Variants in TGFBRAP1 observed in about 807,000 individuals in gnomAD.
TGFBRAP1 encodes the protein transforming growth factor-beta receptor-associated protein 1.
In TGFBRAP1, 20 loss-of-function variants were observed where a neutral mutation model predicts 83.2. The observed-to-expected ratio is 0.24, with a 90% CI of 0.17 to 0.35. TGFBRAP1 has a LOEUF of 0.35. Among genes scored for constraint, TGFBRAP1 ranks in the 10% least tolerant of loss-of-function variants. The probability of loss-of-function intolerance (pLI) is 1.00; values close to 1 mark genes in which losing one functional copy is unlikely to be tolerated. For synonymous variants in TGFBRAP1, 415 were observed against 459.8 expected (o/e 0.90, Z 1.25); for missense variants, 950 against 1,099.4 (o/e 0.86, Z 1.92).
chr2:105,277,786 GC>G, intron 6 of TGFBRAP1, 115 bp from the exon 7 acceptor site: 1 of 1,025,860 alleles, frequency 9.7e-7, no homozygotes, highest in Non-Finnish European at 1.5e-6. Flanking sequence ...TCGAGTTCAG[GC>G]TCATGCCTGT....
At position 105,269,267 on chromosome 2, in the gene TGFBRAP1, C is replaced by G; in HGVS notation, c.2406+5G>C. The G allele has an allele frequency of 6.3e-7, 1 of 1,592,442 alleles. No homozygotes were observed. The highest frequency in any genetic ancestry group is 8.6e-7 in the Non-Finnish European group (1 of 1,163,982). On this transcript the variant is annotated splice_donor_5th_base_variant and intron_variant, in intron 11 of 11. Transcript: ENST00000393359. The surrounding 1 kb of genome is among the most constrained non-coding windows in gnomAD (Gnocchi z 4.1). ...AGGAAGCAGCTCGTGGGGGCCAGCA[C>G]TTACCTTATCGTAGGTGTAGATTAA...
intron 1 of TGFBRAP1, among the ~76,000 whole-genome samples, chr2:105,327,068 G>A (rs1679244024): frequency 6.6e-6 from 1 of 152,170 alleles, no homozygotes; most frequent in African/African-American, 2.4e-5. Context: ...ACACCTGGCT[G>A]CCACAAATGA....
chr2:105,269,872 T>G lies in TGFBRAP1; in HGVS notation c.1973-167A>C, dbSNP rs1386868730. Among the ~76,000 whole-genome samples, 1 of 152,196 alleles carries G rather than the reference T, an allele frequency of 6.6e-6. No homozygotes were observed. The highest frequency in any genetic ancestry group is 1.5e-5 in the Non-Finnish European group (1 of 68,032). ...ACTGAGGGTAGGTTTTCTTGCATTT[T>G]CACACTGTGAATCCAGGTGTTAGTA... On this transcript the variant is annotated intron_variant, in intron 10 of 11. Coordinates refer to ENST00000393359, the MANE Select transcript of TGFBRAP1 (RefSeq NM_004257.6). This position sits in a 1 kb window ranked among gnomAD's most constrained non-coding sequence, Gnocchi z 4.1.
At chr2:105,306,281 C>T (rs1678496774) in intron 2 of TGFBRAP1, among the ~76,000 whole-genome samples, 1 of 151,678 alleles carries the variant, frequency 6.6e-6, no homozygotes, top group Non-Finnish European at 1.5e-5. Context: ...AGGATGGTCT[C>T]GAACTCCCCA....
chr2:105,275,145 G>C (rs1677293160), intron 8 of TGFBRAP1, among the ~76,000 whole-genome samples: 1 of 152,214 alleles, frequency 6.6e-6, no homozygotes, highest in African/African-American at 2.4e-5. Context: ...GTGTGGCCCA[G>C]GTCTGGGTGC....
At chr2:105,325,799 TTC>T (rs1211509001) in intron 1 of TGFBRAP1, among the ~76,000 whole-genome samples, 7 of 152,228 alleles carry the variant, frequency 4.6e-5, no homozygotes, top group Non-Finnish European at 7.3e-5. Flanking sequence ...TGGTCCCGTG[TTC>T]TTCTCTAAGT....
intron 1 of TGFBRAP1, among the ~76,000 whole-genome samples, chr2:105,329,240 A>C (rs1421554705): frequency 6.6e-6 from 1 of 151,866 alleles, no homozygotes; most frequent in African/African-American, 2.4e-5. Flanking sequence ...GGAAAACCCA[A>C]ATCAAGGACG....
the TGFBRAP1 span, among the ~76,000 whole-genome samples, chr2:105,254,692 G>A: frequency 6.6e-6 from 1 of 151,938 alleles, no homozygotes; most frequent in Non-Finnish European, 1.5e-5. Flanking sequence ...CCTGTTTCTG[G>A]CCCCTTCCTA....
chr2:105,279,319 G>A (rs1458053610), intron 6 of TGFBRAP1, among the ~76,000 whole-genome samples: 1 of 152,084 alleles, frequency 6.6e-6, no homozygotes, highest in African/African-American at 2.4e-5. Flanking sequence ...ATGCAATGGT[G>A]CAATCACTGC....
rs565258316 is a variant in TGFBRAP1 at position 105,280,264 on chromosome 2, T to G, written c.1463+118A>C. 81 of 1,077,502 alleles carry G rather than the reference T, an allele frequency of 7.5e-5. No homozygotes were observed. In the African/African-American group the frequency reaches 1.1e-3, roughly 15 times the overall value. The allele number at this position is 1,077,502 out of a possible 1,614,324, so 66.7% of individuals were successfully genotyped here. On this transcript the variant is annotated intron_variant, in intron 6 of 11. Transcript: ENST00000393359. ...TGATTTCGTGGCAGTCACCTATAGG[T>G]ACTTGGGAACATAAACATCACACTG...
intron 1 of TGFBRAP1, among the ~76,000 whole-genome samples, chr2:105,313,624 G>T (rs1307717735): frequency 2.0e-5 from 3 of 151,910 alleles, no homozygotes; most frequent in Non-Finnish European, 4.4e-5. Context: ...TAAGGATACA[G>T]GAAAAAAGAA....
chr2:105,324,003 G>A (rs1457139526), intron 1 of TGFBRAP1, among the ~76,000 whole-genome samples: 5 of 151,938 alleles, frequency 3.3e-5, no homozygotes, highest in Admixed American at 6.6e-5. Context: ...TTAAGGTCAC[G>A]AAAAAAGAGG....
intron 1 of TGFBRAP1, among the ~76,000 whole-genome samples, chr2:105,308,764 A>G (rs200948013): frequency 3.3e-5 from 3 of 91,334 alleles, no homozygotes; most frequent in African/African-American, 1.8e-4. Flanking sequence ...GACCCCATTT[A>G]AAAAAAAAAA....
At chr2:105,296,558 G>A (rs1313348211) in intron 3 of TGFBRAP1, 48 bp from the exon 4 acceptor site, 4 of 1,571,472 alleles carry the variant, frequency 2.5e-6, no homozygotes, top group East Asian at 2.3e-5. Flanking sequence ...CACACTGCCT[G>A]CAAAAAAACA....
At chr2:105,289,338 T>C (rs1034605941) in intron 4 of TGFBRAP1, among the ~76,000 whole-genome samples, 13 of 152,172 alleles carry the variant, frequency 8.5e-5, no homozygotes, top group African/African-American at 2.9e-4. Context: ...ACCACATGCA[T>C]GTATTTTTTT....
At chr2:105,284,792 C>T (rs1240569094) in intron 4 of TGFBRAP1, among the ~76,000 whole-genome samples, 4 of 152,084 alleles carry the variant, frequency 2.6e-5, no homozygotes, top group African/African-American at 4.8e-5. Context: ...AGCACAGGGC[C>T]GACTCATTTC....
chr2:105,307,563 A>G, intron 2 of TGFBRAP1, 51 bp downstream of exon 2: 2 of 1,533,366 alleles, frequency 1.3e-6, no homozygotes, highest in Non-Finnish European at 1.8e-6. Context: ...TTCAACACGC[A>G]GTCACCGAGG....
intron 1 of TGFBRAP1, among the ~76,000 whole-genome samples, chr2:105,312,939 TTG>T (rs1678739678): frequency 6.6e-6 from 1 of 152,102 alleles, no homozygotes; most frequent in African/African-American, 2.4e-5. Context: ...TGGTGAAACC[TTG>T]CTTCTACTAA....
intron 1 of TGFBRAP1, chr2:105,324,147 T>C (rs1339267508): frequency 6.6e-6 from 1 of 152,214 alleles, no homozygotes; most frequent in Non-Finnish European, 1.5e-5. Context: ...GAAATTCAAA[T>C]ACTGTGTGCA....
Sources: gnomAD v4.1 joint callset for allele counts (sites outside exome capture counted in the v4.1 genomes callset) on GRCh38, gnomAD v4.1.1 for gene constraint, Gnocchi (gnomAD v3.1) non-coding constraint, MANE v1.5 for transcripts, NCBI Gene and HGNC (gene_info 2026-07-23, HGNC 2026-07-21) for gene names.